The following PARD3 variants were observed in gnomAD, a reference collection of about 807,000 sequenced individuals.
PARD3 encodes partitioning defective 3 homolog.
Under a neutral mutation model 155.4 loss-of-function variants are expected in PARD3, and 75 were observed. The ratio of observed to expected loss-of-function variants is 0.48; its 90% CI spans 0.40 to 0.58. The LOEUF is 0.58. Among genes scored for constraint, PARD3 ranks in the 20% least tolerant of loss-of-function variants. The probability of loss-of-function intolerance (pLI) is 0.00; values close to 1 mark genes in which losing one functional copy is unlikely to be tolerated. For synonymous variants in PARD3, 576 were observed against 610.5 expected (o/e 0.94, Z 0.83); for missense variants, 1,642 against 1,721.7 (o/e 0.95, Z 0.82).
chr10:34,768,020 T>C (rs1838334238), intron 1 of PARD3, among the ~76,000 whole-genome samples: 1 of 152,144 alleles, frequency 6.6e-6, no homozygotes, highest in South Asian at 2.1e-4. Flanking sequence ...CAAAAACATA[T>C]GTGCAATTTT....
At chr10:34,116,601 C>A (rs1268292072) in intron 24 of PARD3, among the ~76,000 whole-genome samples, 1 of 152,176 alleles carries the variant, frequency 6.6e-6, no homozygotes, top group Non-Finnish European at 1.5e-5. Flanking sequence ...GTTCTATGTT[C>A]CTAATCTCCC....
At chr10:34,485,949 G>C (rs1248281832) in intron 3 of PARD3, among the ~76,000 whole-genome samples, 12 of 132,172 alleles carry the variant, frequency 9.1e-5, no homozygotes, top group African/African-American at 4.3e-4. Flanking sequence ...TTTGAGACAG[G>C]GTTTTACTTT....
At chr10:34,687,846 CTTTTTTTT>C (rs397846339) in intron 2 of PARD3, among the ~76,000 whole-genome samples, 59 of 63,712 alleles carry the variant, frequency 9.3e-4, no homozygotes, top group African/African-American at 4.1e-3. Context: ...CACCTGAAAT[CTTTTTTTT>C]TTTTTTTTTT....
chr10:34,611,939 A>ACC (rs1325637390), intron 2 of PARD3, among the ~76,000 whole-genome samples: 2 of 11,220 alleles, frequency 1.8e-4, no homozygotes, highest in African/African-American at 3.4e-4. Flanking sequence ...CGCCCCCCCT[A>ACC]CCCCCCCGCC....
intron 7 of PARD3, among the ~76,000 whole-genome samples, chr10:34,397,778 GAC>G (rs1395810884): frequency 6.6e-6 from 1 of 152,164 alleles, no homozygotes; most frequent in Non-Finnish European, 1.5e-5. Context: ...AGCTGGTACA[GAC>G]ACAATTAAAT....
intron 1 of PARD3, among the ~76,000 whole-genome samples, chr10:34,700,059 C>T (rs552763426): frequency 3.9e-5 from 6 of 152,152 alleles, no homozygotes; most frequent in African/African-American, 9.6e-5. Context: ...TAAACACTAA[C>T]AATAATTGTG....
chr10:34,616,334 T>A (rs533808286), intron 2 of PARD3, among the ~76,000 whole-genome samples: 12 of 151,380 alleles, frequency 7.9e-5, no homozygotes, highest in South Asian at 4.2e-4. Context: ...TAAAAAAAAA[T>A]TAAAAAAAGC....
intron 1 of PARD3, 62 bp downstream of exon 1, chr10:34,814,814 A>T: frequency 7.8e-7 from 1 of 1,283,732 alleles, no homozygotes; most frequent in Non-Finnish European, 1.1e-6. Context: ...AGGAAGCGCC[A>T]TATTGATCCC....
intron 1 of PARD3, among the ~76,000 whole-genome samples, chr10:34,715,427 T>TTCATA (rs1207096630): frequency 6.6e-6 from 1 of 152,132 alleles, no homozygotes; most frequent in Non-Finnish European, 1.5e-5. Context: ...GGGATGTACC[T>TTCATA]TCATATATGA....
intron 1 of PARD3, among the ~76,000 whole-genome samples, chr10:34,758,097 T>A (rs1301533277): frequency 1.3e-5 from 2 of 152,216 alleles, no homozygotes; most frequent in Admixed American, 1.3e-4. Flanking sequence ...TGGCCTAAAC[T>A]ATGAAATGCT....
chr10:34,782,729 T>C (rs1017738990), intron 1 of PARD3, among the ~76,000 whole-genome samples: 6 of 151,936 alleles, frequency 3.9e-5, no homozygotes, highest in Non-Finnish European at 8.8e-5. Flanking sequence ...AAGTTTTTTT[T>C]TTTTCTTTTT....
intron 14 of PARD3, among the ~76,000 whole-genome samples, chr10:34,350,586 T>G (rs537423331): frequency 1.2e-4 from 15 of 120,134 alleles, no homozygotes; most frequent in African/African-American, 4.9e-4. Flanking sequence ...TGAGCCGAGA[T>G]CACGCCACTG....
chr10:34,732,530 C>T lies in PARD3; in HGVS notation c.121-36111G>A, dbSNP rs776776940. ...GCAACACAGCAAGGCTCCATTTCTA[C>T]GAAAAAATTTTCTTTTAATTAGCCG... is the stretch of plus-strand genomic sequence containing the variant. On this transcript the variant is annotated intron_variant, in intron 1 of 24. Transcript: ENST00000374788. Among the ~76,000 whole-genome samples the T allele has an allele frequency of 3.3e-5, 5 of 152,148 alleles. No homozygotes were observed. In the East Asian group the frequency reaches 7.7e-4, roughly 24 times the overall value.
chr10:34,296,151 T>A (rs1449036427), intron 20 of PARD3, among the ~76,000 whole-genome samples: 3 of 152,200 alleles, frequency 2.0e-5, no homozygotes, highest in East Asian at 1.9e-4. Flanking sequence ...TTCATTTAGA[T>A]TTACACATTA....
chr10:34,578,724 T>C (rs1225212827), intron 2 of PARD3, among the ~76,000 whole-genome samples: 1 of 152,150 alleles, frequency 6.6e-6, no homozygotes, highest in Non-Finnish European at 1.5e-5. Context: ...CCAAGCTATA[T>C]TCAGTGTTTC....
chr10:34,481,446 T>C (rs1253445066), intron 3 of PARD3, among the ~76,000 whole-genome samples: 1 of 152,180 alleles, frequency 6.6e-6, no homozygotes, highest in African/African-American at 2.4e-5. Context: ...GACCAGCTAC[T>C]TATCAAAACA....
chr10:34,568,420 A>G (rs2086129002), intron 2 of PARD3, among the ~76,000 whole-genome samples: 1 of 152,218 alleles, frequency 6.6e-6, no homozygotes, highest in Non-Finnish European at 1.5e-5. Context: ...GCTCGTTTTG[A>G]AAGTTTCTAG....
At chr10:34,414,953 A>G (rs1353088765) in intron 5 of PARD3, among the ~76,000 whole-genome samples, 1 of 152,142 alleles carries the variant, frequency 6.6e-6, no homozygotes, top group Non-Finnish European at 1.5e-5. Context: ...GGGTGGGCAG[A>G]CCAGACAAGC....
chr10:34,509,098 T>C (rs1398122640), intron 3 of PARD3, among the ~76,000 whole-genome samples: 1 of 152,138 alleles, frequency 6.6e-6, no homozygotes. Flanking sequence ...AACAAGCTCA[T>C]GTTGAAAGCA....
Sources: gnomAD v4.1 joint callset for allele counts (sites outside exome capture counted in the v4.1 genomes callset) on GRCh38, gnomAD v4.1.1 for gene constraint, MANE v1.5 for transcripts, NCBI Gene and HGNC (gene_info 2026-07-23, HGNC 2026-07-21) for gene names.